Variants in ANKRD30B observed in about 807,000 individuals in gnomAD.
ANKRD30B encodes ankyrin repeat domain 30B, also known as ankyrin repeat domain-containing protein 30B.
In ANKRD30B, 144 loss-of-function variants were observed where a neutral mutation model predicts 202.2. The ratio of observed to expected loss-of-function variants is 0.71; its 90% confidence interval spans 0.62 to 0.82. The LOEUF is 0.82. ANKRD30B is among the 40% of genes least tolerant of loss of function. The probability of loss-of-function intolerance (pLI) is 0.00; values close to 1 mark genes in which losing one functional copy is unlikely to be tolerated. For synonymous variants in ANKRD30B, 508 were observed against 561.3 expected (o/e 0.91, Z 1.34); for missense variants, 1,487 against 1,669.1 (o/e 0.89, Z 1.90).
intron 18 of ANKRD30B, among the ~76,000 whole-genome samples, chr18:14,796,954 C>T (rs1322459630): frequency 6.6e-6 from 1 of 152,132 alleles, no homozygotes; most frequent in African/African-American, 2.4e-5. Context: ...ATAGTGTGTG[C>T]ATCGGTAATT....
At chr18:14,771,391 G>A (rs1034135317) in intron 8 of ANKRD30B, among the ~76,000 whole-genome samples, 5 of 152,102 alleles carry the variant, frequency 3.3e-5, no homozygotes, top group Non-Finnish European at 7.4e-5. Context: ...CTCTCCTTGG[G>A]TATAAGTACC....
chr18:14,777,840 G>A (rs867244201), intron 9 of ANKRD30B, 145 bp from the exon 10 acceptor site: 51 of 597,380 alleles, frequency 8.5e-5, no homozygotes, highest in African/African-American at 8.3e-4. Flanking sequence ...CTACTCAGGA[G>A]GCAGAAGGAG....
chr18:14,864,541 C>A, the ANKRD30B span, among the ~76,000 whole-genome samples: 1 of 151,852 alleles, frequency 6.6e-6, no homozygotes, highest in Admixed American at 6.6e-5. Flanking sequence ...TCCCCACTGT[C>A]TTTTTGCAAA....
At chr18:14,783,423 G>A (rs903621433) in intron 12 of ANKRD30B, among the ~76,000 whole-genome samples, 4 of 152,084 alleles carry the variant, frequency 2.6e-5, no homozygotes, top group African/African-American at 9.7e-5. Flanking sequence ...ATATTTTGCT[G>A]ATGTTAGCTA....
chr18:14,903,764 C>G, the ANKRD30B span: 1 of 152,230 alleles, frequency 6.6e-6, no homozygotes, highest in Non-Finnish European at 1.5e-5. Flanking sequence ...CACCCTCTGT[C>G]TCTCTCCTAT....
chr18:14,937,785 G>A, the ANKRD30B span, among the ~76,000 whole-genome samples: 1 of 151,936 alleles, frequency 6.6e-6, no homozygotes, highest in Non-Finnish European at 1.5e-5. Flanking sequence ...TTGTTACTTT[G>A]TGTGTGCATT....
intron 16 of ANKRD30B, among the ~76,000 whole-genome samples, chr18:14,795,379 T>A (rs532342053): frequency 6.6e-6 from 1 of 152,320 alleles, no homozygotes; most frequent in East Asian, 1.9e-4. Flanking sequence ...GTATTTTTTG[T>A]GGAGACAGGG....
chr18:14,873,395 G>A, the ANKRD30B span, among the ~76,000 whole-genome samples: 7 of 151,746 alleles, frequency 4.6e-5, no homozygotes, highest in Non-Finnish European at 2.9e-5. Context: ...CCTGGTGGCA[G>A]GCACCTGTAA....
downstream of ANKRD30B, among the ~76,000 whole-genome samples, chr18:14,858,687 T>G (rs1598730832): frequency 1.6e-5 from 2 of 128,728 alleles, no homozygotes; most frequent in African/African-American, 5.9e-5. Flanking sequence ...TCCCAGACGA[T>G]GGGTGGCCGG....
chr18:14,858,877 A>T, downstream of ANKRD30B, among the ~76,000 whole-genome samples: 3 of 67,978 alleles, frequency 4.4e-5, no homozygotes, highest in East Asian at 8.9e-4. Flanking sequence ...CCCAGACATC[A>T]CGGCCAGGCA....
the ANKRD30B span, among the ~76,000 whole-genome samples, chr18:14,873,183 A>T: frequency 1.8e-3 from 268 of 152,314 alleles, 2 homozygotes; most frequent in Non-Finnish European, 2.5e-3. Context: ...GTTATTCAGT[A>T]TACTTATTTA....
At chr18:14,877,146 A>C in the ANKRD30B span, among the ~76,000 whole-genome samples, 1 of 152,224 alleles carries the variant, frequency 6.6e-6, no homozygotes, top group Admixed American at 6.5e-5. Flanking sequence ...TGGAGAGTTT[A>C]GTCTGGGGCC....
chr18:14,758,001 G>A, intron 5 of ANKRD30B, 49 bp downstream of exon 5: 2 of 1,525,210 alleles, frequency 1.3e-6, no homozygotes, highest in Non-Finnish European at 1.8e-6. Context: ...GTTTGTTTCA[G>A]GGAGTTTTTG....
At chr18:14,895,926 G>T in the ANKRD30B span, among the ~76,000 whole-genome samples, 1 of 152,244 alleles carries the variant, frequency 6.6e-6, no homozygotes, top group South Asian at 2.1e-4. Flanking sequence ...AAACTATTCT[G>T]CTTAATACTG....
Position 14,757,534 on chromosome 18 carries a change from T to C in ANKRD30B, c.618-281T>C, listed in dbSNP as rs185831083. ...TATATCAGACTAAGCAAGAAATAGA[T>C]AATTCTTCCCTTAAATCTTTGCCTC... is the stretch of plus-strand genomic sequence containing the variant. On this transcript the variant is annotated intron_variant, in intron 4 of 43. Transcript: ENST00000690538. Among the ~76,000 whole-genome samples the C allele has an allele frequency of 1.6e-3, 238 of 152,312 alleles. 1 individual carries two copies. The highest frequency in any genetic ancestry group is 6.8e-3 in the Middle Eastern group (2 of 294).
At chr18:14,836,254 A>G (rs995138610) in intron 34 of ANKRD30B, among the ~76,000 whole-genome samples, 3 of 152,142 alleles carry the variant, frequency 2.0e-5, no homozygotes, top group Admixed American at 6.5e-5. Flanking sequence ...CAAACTGAAA[A>G]CATCATTTTT....
At chr18:14,882,791 G>A in the ANKRD30B span, among the ~76,000 whole-genome samples, 1 of 151,958 alleles carries the variant, frequency 6.6e-6, no homozygotes, top group African/African-American at 2.4e-5. Context: ...GAGCTCCAGT[G>A]TTAGGTCCAT....
At chr18:14,795,728 T>A (rs1478989884) in intron 16 of ANKRD30B, among the ~76,000 whole-genome samples, 1 of 152,220 alleles carries the variant, frequency 6.6e-6, no homozygotes, top group African/African-American at 2.4e-5. Context: ...TCATCGCAGC[T>A]TTGCAATTCT....
rs1177659977 is a variant in ANKRD30B at position 14,754,936 on chromosome 18, G to T, written c.548G>T (p.Arg183Ile). Reference sequence around the variant, plus strand: ...CCCCTTTTACTGGCCATACAGAAAAGAAGCAAGCAAACTGTGGAATTTTTA... The same window carrying T: ...CCCCTTTTACTGGCCATACAGAAAATAAGCAAGCAAACTGTGGAATTTTTA... ...LTPLLLAIQK[R>I]SKQTVEFLLT... The change falls in exon 4 of 44, where the codon AGA (arginine) becomes ATA (isoleucine). Residue 183 changes from arginine (R) to isoleucine (I), a missense_variant. By Grantham distance (97) the Arg-to-Ile change is moderately conservative (BLOSUM62 -3). Around this residue, in one of 6 missense-constraint regions of ANKRD30B, gnomAD observed 889 missense variants for 841.4 expected, o/e 1.06. Coordinates refer to ENST00000690538, the MANE Select transcript of ANKRD30B (RefSeq NM_001367607.2). 1.5e-5 allele frequency: 23 copies of T among 1,559,462 alleles called. No individual in the cohort carries two copies. Among genetic ancestry groups the T allele is most frequent in the Non-Finnish European group, 1.1e-5 (13 of 1,151,530 alleles).
Sources: allele counts gnomAD v4.1 joint callset (sites outside exome capture counted in the v4.1 genomes callset), GRCh38; gene constraint gnomAD v4.1.1; regional missense constraint gnomAD v4.1.1; transcripts MANE v1.5; gene names NCBI Gene and HGNC (gene_info 2026-07-23, HGNC 2026-07-21).